Variants in MAD1L1 observed in about 807,000 individuals in gnomAD.
MAD1L1 encodes mitotic spindle assembly checkpoint protein MAD1.
MAD1L1 carries 95 observed loss-of-function variants against 96.9 expected under a neutral mutation model. The observed-to-expected ratio is 0.98, with a 90% CI of 0.83 to 1.16. MAD1L1 has a LOEUF of 1.16. Among genes scored for constraint, MAD1L1 ranks in the 50% most tolerant of loss-of-function variants. MAD1L1 has a pLI of 0.00. For synonymous variants in MAD1L1, 473 were observed against 396.6 expected (o/e 1.19, Z -2.29); for missense variants, 1,007 against 954.4 (o/e 1.06, Z -0.73).
intron 11 of MAD1L1, among the ~76,000 whole-genome samples, chr7:2,087,523 G>A (rs1005734760): frequency 1.3e-5 from 2 of 152,212 alleles, no homozygotes; most frequent in African/African-American, 4.8e-5. Flanking sequence ...CTGGGCAACA[G>A]TGTGAGACTC....
chr7:2,227,204 G>A lies in MAD1L1; in HGVS notation c.151-1654C>T, dbSNP rs1317600255. Among the ~76,000 whole-genome samples the A allele has an allele frequency of 3.3e-5, 5 of 152,038 alleles. No individual in the cohort carries two copies. In the South Asian group the frequency reaches 1.0e-3, roughly 32 times the overall value. ...TCAGCTACTCGGGAGGCTGAGGAGGGAGAATCACTTGAACCCAGGAGACGG... is the reference window on the plus strand; with the variant it reads ...TCAGCTACTCGGGAGGCTGAGGAGGAAGAATCACTTGAACCCAGGAGACGG... On this transcript the variant is annotated intron_variant, in intron 3 of 18. Transcript: ENST00000265854.
chr7:2,084,540 G>A (rs1216627393), intron 11 of MAD1L1, among the ~76,000 whole-genome samples: 1 of 152,256 alleles, frequency 6.6e-6, no homozygotes, highest in African/African-American at 2.4e-5. Context: ...CTGGAGAGCA[G>A]ATTAGAGGCA....
At chr7:1,903,229 G>A (rs1342269465) in intron 17 of MAD1L1, among the ~76,000 whole-genome samples, 1 of 151,160 alleles carries the variant, frequency 6.6e-6, no homozygotes, top group East Asian at 2.0e-4. Flanking sequence ...ATGAAGCACT[G>A]TTCCAGGCAG....
intron 18 of MAD1L1, among the ~76,000 whole-genome samples, chr7:1,833,451 T>C (rs1193586991): frequency 6.6e-6 from 1 of 152,242 alleles, no homozygotes; most frequent in African/African-American, 2.4e-5. Context: ...ATGTCAATAT[T>C]CATCTATCAA....
intron 10 of MAD1L1, among the ~76,000 whole-genome samples, chr7:2,196,296 C>G (rs1558458): frequency 0.042 from 6,441 of 152,324 alleles, 276 homozygotes; most frequent in African/African-American, 0.11. Context: ...AGTGAAGACC[C>G]TCTTGAGAAC....
At chr7:2,038,496 GA>G (rs1430290233) in intron 12 of MAD1L1, among the ~76,000 whole-genome samples, 10 of 103,924 alleles carry the variant, frequency 9.6e-5, no homozygotes, top group Middle Eastern at 6.7e-3. Flanking sequence ...TGAAGCTGAT[GA>G]CTTTTTTTTT....
intron 10 of MAD1L1, among the ~76,000 whole-genome samples, chr7:2,155,061 A>G (rs1459375179): frequency 2.0e-5 from 3 of 152,212 alleles, no homozygotes; most frequent in East Asian, 1.9e-4. Flanking sequence ...ACGGAGAAGC[A>G]GCACGGGAGC....
At chr7:2,223,754 A>G (rs1050369548) in intron 4 of MAD1L1, 4 of 152,258 alleles carry the variant, frequency 2.6e-5, no homozygotes, top group African/African-American at 9.6e-5. Context: ...CAGCACCATC[A>G]CAGCCAGATG....
intron 18 of MAD1L1, among the ~76,000 whole-genome samples, chr7:1,870,497 T>TA (rs1333078069): frequency 9.1e-5 from 11 of 120,602 alleles, no homozygotes; most frequent in African/African-American, 2.6e-4. Context: ...GAACCCAACA[T>TA]ACACCTGCCA....
chr7:1,896,463 C>G (rs1170658791), intron 18 of MAD1L1, among the ~76,000 whole-genome samples: 1 of 152,202 alleles, frequency 6.6e-6, no homozygotes, highest in Non-Finnish European at 1.5e-5. Context: ...GAAGCCCATG[C>G]AGGGCTTACA....
intron 17 of MAD1L1, among the ~76,000 whole-genome samples, chr7:1,920,045 G>A (rs1437305450): frequency 1.3e-5 from 2 of 151,638 alleles, no homozygotes; most frequent in Admixed American, 6.6e-5. Context: ...CCAGGAGGGC[G>A]CACAGCAGGG....
At position 1,819,505 on chromosome 7, in the gene MAD1L1, C is replaced by T. The variant is rs558866198; in HGVS notation, c.1999-3277G>A. 4.6e-5 allele frequency among the ~76,000 whole-genome samples: 7 copies of T among 152,316 alleles called. No individual in the cohort carries two copies. The East Asian group carries it at 1.4e-3, about 29-fold the overall frequency. ...CCCTCTGGAAGCAGAGAGGGCCTGC[C>T]CTGGAGGGCCGGGGACCTCTGCAGC... On this transcript the variant is annotated intron_variant, in intron 18 of 18. Coordinates refer to ENST00000265854, the MANE Select transcript of MAD1L1 (RefSeq NM_001013836.2).
At chr7:1,925,413 G>T (rs1049994493) in intron 17 of MAD1L1, among the ~76,000 whole-genome samples, 5 of 152,260 alleles carry the variant, frequency 3.3e-5, no homozygotes, top group African/African-American at 1.2e-4. Flanking sequence ...AATTTATAAC[G>T]ACCCGAAGTT....
chr7:1,921,730 C>T (rs189694792), intron 17 of MAD1L1, among the ~76,000 whole-genome samples: 349 of 152,118 alleles, frequency 2.3e-3, no homozygotes, highest in Admixed American at 5.2e-3. Context: ...AATACAGACC[C>T]GATTTTGCCT....
chr7:2,196,421 G>A (rs1199662251), intron 10 of MAD1L1, among the ~76,000 whole-genome samples: 3 of 152,174 alleles, frequency 2.0e-5, no homozygotes, highest in African/African-American at 4.8e-5. Flanking sequence ...CAACAAGGCC[G>A]TCTCCAACTA....
rs1201818283 is a variant in MAD1L1 at position 2,229,931 on chromosome 7, C to G, written c.150+53G>C. 3.2e-6 allele frequency: 5 copies of G among 1,584,582 alleles called. No homozygotes were observed. The East Asian group carries it at 6.7e-5, about 21-fold the overall frequency. Reference sequence around the variant, plus strand: ...TACAGAAGACTGGAAGAGGTCCTGCCCGGGCCCAGGGTCTCCCCAGAGCAG... The same window carrying G: ...TACAGAAGACTGGAAGAGGTCCTGCGCGGGCCCAGGGTCTCCCCAGAGCAG... On this transcript the variant is annotated intron_variant, in intron 3 of 18. Transcript: ENST00000265854.
At chr7:1,973,147 CTGAT>C (rs1432943245) in intron 15 of MAD1L1, among the ~76,000 whole-genome samples, 10 of 152,334 alleles carry the variant, frequency 6.6e-5, no homozygotes, top group Non-Finnish European at 1.0e-4. Flanking sequence ...TCCACAGACA[CTGAT>C]TAGGTCCTGC....
rs529113979 is a variant in MAD1L1 at position 2,002,157 on chromosome 7, G to A, written c.1360-36C>T. On this transcript the variant is annotated intron_variant, in intron 13 of 18. Coordinates refer to ENST00000265854, the MANE Select transcript of MAD1L1 (RefSeq NM_001013836.2). ...AGACAGGATTCGGCCTGAGACTGTG[G>A]TGGGCCAGGCCCCATTTCTAGGACT... The A allele has an allele frequency of 1.5e-5, 24 of 1,601,072 alleles. 1 individual carries two copies. The South Asian group carries it at 2.4e-4, about 16-fold the overall frequency.
At chr7:1,883,769 A>C (rs954112580) in intron 18 of MAD1L1, among the ~76,000 whole-genome samples, 1 of 152,176 alleles carries the variant, frequency 6.6e-6, no homozygotes, top group Non-Finnish European at 1.5e-5. Context: ...GCCGTATTAA[A>C]AGGAAGGCAC....
Sources: gnomAD v4.1 joint callset for allele counts (sites outside exome capture counted in the v4.1 genomes callset) on GRCh38, gnomAD v4.1.1 for gene constraint, MANE v1.5 for transcripts, NCBI Gene and HGNC (gene_info 2026-07-23, HGNC 2026-07-21) for gene names.